The following PRICKLE2 variants were observed in gnomAD, a reference collection of about 807,000 sequenced individuals.
The protein encoded by PRICKLE2 is prickle planar cell polarity protein 2, also known as prickle-like protein 2.
A neutral mutation model predicts 81.4 loss-of-function variants in PRICKLE2; 21 were observed. The ratio of observed to expected loss-of-function variants is 0.26; its 90% confidence interval spans 0.18 to 0.37. The LOEUF (loss-of-function observed/expected upper bound fraction) is 0.37. PRICKLE2 is among the 10% of genes least tolerant of loss of function. PRICKLE2 has a pLI of 1.00. For synonymous variants in PRICKLE2, 456 were observed against 421.5 expected, an observed-to-expected ratio of 1.08 and a Z score of -1.00; for missense variants, 940 against 1,109.0, an observed-to-expected ratio of 0.85 and a Z score of 2.16.
intron 1 of PRICKLE2, among the ~76,000 whole-genome samples, chr3:64,220,792 T>C (rs2078940157): frequency 6.6e-6 from 1 of 152,114 alleles, no homozygotes; most frequent in South Asian, 2.1e-4. Context: ...AAGTCAACAC[T>C]CATATCTGAG....
intron 1 of PRICKLE2, among the ~76,000 whole-genome samples, chr3:64,218,713 T>C (rs2078908323): frequency 6.6e-6 from 1 of 152,226 alleles, no homozygotes. Flanking sequence ...AGGGATTTAT[T>C]TGAGGTTTAC....
intron 7 of PRICKLE2, among the ~76,000 whole-genome samples, chr3:64,107,570 G>A (rs986704675): frequency 1.3e-5 from 2 of 152,218 alleles, no homozygotes; most frequent in South Asian, 4.1e-4. Flanking sequence ...TACCAGGCAC[G>A]GTGGCTCACT....
intron 1 of PRICKLE2, among the ~76,000 whole-genome samples, chr3:64,217,067 C>T (rs2078883125): frequency 6.6e-6 from 1 of 152,184 alleles, no homozygotes; most frequent in South Asian, 2.1e-4. Flanking sequence ...TATGCAGTTG[C>T]TGTGCCAGGA....
At chr3:64,264,523 G>A (rs116014565) in intron 2 of PRICKLE2, among the ~76,000 whole-genome samples, 1,925 of 152,254 alleles carry the variant, frequency 0.013, 38 homozygotes, top group African/African-American at 0.043. Context: ...GTTTACTGAT[G>A]TTATCATTTA....
chr3:64,183,704 T>C (rs1356466701), intron 2 of PRICKLE2, among the ~76,000 whole-genome samples: 1 of 152,232 alleles, frequency 6.6e-6, no homozygotes, highest in Non-Finnish European at 1.5e-5. Flanking sequence ...GCCATGTTTA[T>C]TTTTACTTTA....
At chr3:64,248,018 A>G (rs2079384889) in intron 2 of PRICKLE2, among the ~76,000 whole-genome samples, 1 of 152,202 alleles carries the variant, frequency 6.6e-6, no homozygotes, top group Non-Finnish European at 1.5e-5. Flanking sequence ...CAAAACGTTA[A>G]AACCCAACCA....
intron 1 of PRICKLE2, among the ~76,000 whole-genome samples, chr3:64,221,464 C>T (rs532592536): frequency 7.2e-4 from 109 of 151,930 alleles, no homozygotes; most frequent in Non-Finnish European, 4.4e-5. Flanking sequence ...CACACGCACA[C>T]ACACAGCATA....
chr3:64,258,188 G>T (rs922852036), intron 2 of PRICKLE2, among the ~76,000 whole-genome samples: 8 of 152,080 alleles, frequency 5.3e-5, no homozygotes, highest in Non-Finnish European at 8.8e-5. Flanking sequence ...GCAATTAGCG[G>T]GTGGGGGTGG....
chr3:64,202,750 G>T (rs1439289398), intron 1 of PRICKLE2, among the ~76,000 whole-genome samples: 2 of 151,632 alleles, frequency 1.3e-5, no homozygotes, highest in African/African-American at 2.4e-5. Context: ...TTAATCTGAT[G>T]TCTTTTATTT....
rs558668547 is a variant in PRICKLE2 at position 64,149,044 on chromosome 3, T to C, written c.788-1342A>G. Among the ~76,000 whole-genome samples the C allele has an allele frequency of 7.2e-5, 11 of 152,324 alleles. No homozygotes were observed. The South Asian group carries it at 2.3e-3, about 32-fold the overall frequency. On this transcript the variant is annotated intron_variant, in intron 6 of 7. Coordinates refer to ENST00000638394, the MANE Select transcript of PRICKLE2 (RefSeq NM_198859.4). ...CCCCTCTGGGAGCGTAAGTACCCTT[T>C]GCTTAATTTCATCAGGGAAGGAAGA...
chr3:64,150,339 A>T (rs574537136), intron 6 of PRICKLE2, among the ~76,000 whole-genome samples: 2 of 152,088 alleles, frequency 1.3e-5, no homozygotes, highest in Admixed American at 6.6e-5. Flanking sequence ...TGGTCTCCCC[A>T]TCAGTACAAT....
At chr3:64,110,622 G>T (rs149029982) in intron 7 of PRICKLE2, among the ~76,000 whole-genome samples, 1 of 152,258 alleles carries the variant, frequency 6.6e-6, no homozygotes, top group East Asian at 1.9e-4. Flanking sequence ...ACTATGGGGA[G>T]ACCTAAAGGA....
chr3:64,215,410 C>T (rs554772023), intron 1 of PRICKLE2, among the ~76,000 whole-genome samples: 27 of 152,242 alleles, frequency 1.8e-4, no homozygotes, highest in African/African-American at 4.6e-4. Context: ...TAACATCAGA[C>T]GCCATTTTAT....
At chr3:64,208,751 A>C (rs2078734333) in intron 1 of PRICKLE2, among the ~76,000 whole-genome samples, 1 of 152,230 alleles carries the variant, frequency 6.6e-6, no homozygotes, top group Non-Finnish European at 1.5e-5. Context: ...ATTTTTATCC[A>C]TTTCACAGAT....
At chr3:64,164,518 T>C (rs975328925) in intron 2 of PRICKLE2, among the ~76,000 whole-genome samples, 10 of 152,184 alleles carry the variant, frequency 6.6e-5, no homozygotes, top group African/African-American at 2.4e-4. Flanking sequence ...GTCATAAATG[T>C]TAGAAGAGGG....
intron 2 of PRICKLE2, among the ~76,000 whole-genome samples, chr3:64,196,321 AG>A (rs2078452745): frequency 6.6e-6 from 1 of 152,230 alleles, no homozygotes; most frequent in Non-Finnish European, 1.5e-5. Context: ...AACATCCTTC[AG>A]GTAAACAAAA....
intron 2 of PRICKLE2, among the ~76,000 whole-genome samples, chr3:64,165,966 GTGTGTGT>G (rs2077822903): frequency 2.1e-4 from 26 of 121,356 alleles, no homozygotes; most frequent in African/African-American, 8.5e-4. Context: ...TTATAAAGGT[GTGTGTGT>G]GTGTGTGTGT....
intron 2 of PRICKLE2, among the ~76,000 whole-genome samples, chr3:64,258,694 G>T (rs1575723824): frequency 6.6e-6 from 1 of 151,210 alleles, no homozygotes; most frequent in African/African-American, 2.4e-5. Context: ...TGTGGTGGCG[G>T]GTGCCTGCAG....
chr3:64,242,228 T>C (rs1237099883), intron 2 of PRICKLE2, among the ~76,000 whole-genome samples: 4 of 152,210 alleles, frequency 2.6e-5, no homozygotes, highest in Non-Finnish European at 5.9e-5. Flanking sequence ...TAATGATCTT[T>C]TTCTGAAAGA....
Sources: allele counts gnomAD v4.1 joint callset (sites outside exome capture counted in the v4.1 genomes callset), GRCh38; gene constraint gnomAD v4.1.1; transcripts MANE v1.5; gene names NCBI Gene and HGNC (gene_info 2026-07-23, HGNC 2026-07-21).